The following CNTNAP2 variants were observed in gnomAD, a reference collection of about 807,000 sequenced individuals.
The protein encoded by CNTNAP2 is contactin-associated protein-like 2.
Under a neutral mutation model 155.2 loss-of-function variants are expected in CNTNAP2, and 98 were observed. That is an observed-to-expected ratio of 0.63 (90% CI 0.54 to 0.75). CNTNAP2 has a LOEUF of 0.75. CNTNAP2 is among the 30% of genes least tolerant of loss of function. The pLI is 0.00. For synonymous variants in CNTNAP2, 651 were observed against 631.2 expected, an observed-to-expected ratio of 1.03 and a Z score of -0.47; for missense variants, 1,727 against 1,688.1, an observed-to-expected ratio of 1.02 and a Z score of -0.40.
chr7:146,387,401 A>G (rs1795476553), intron 1 of CNTNAP2, among the ~76,000 whole-genome samples: 1 of 152,110 alleles, frequency 6.6e-6, no homozygotes, highest in Admixed American at 6.6e-5. Flanking sequence ...CTTCAGCCCT[A>G]GAGGTGTCTC....
chr7:146,991,569 T>C (rs924903130), intron 3 of CNTNAP2, among the ~76,000 whole-genome samples: 1 of 152,232 alleles, frequency 6.6e-6, no homozygotes, highest in Admixed American at 6.5e-5. Context: ...CATCAAATTT[T>C]CACTGTGTAA....
At chr7:148,012,584 G>GT (rs911265718) in intron 15 of CNTNAP2, among the ~76,000 whole-genome samples, 1 of 152,076 alleles carries the variant, frequency 6.6e-6, no homozygotes. Context: ...TAAAAAAATT[G>GT]TTTTTTAAGA....
chr7:146,372,178 C>T (rs573758968), intron 1 of CNTNAP2, among the ~76,000 whole-genome samples: 1 of 152,162 alleles, frequency 6.6e-6, no homozygotes, highest in South Asian at 2.1e-4. Flanking sequence ...ATTTATAACG[C>T]TCTCAGTACT....
chr7:147,407,336 C>T (rs1797022183), intron 10 of CNTNAP2, among the ~76,000 whole-genome samples: 2 of 151,432 alleles, frequency 1.3e-5, no homozygotes, highest in Admixed American at 6.6e-5. Context: ...GGCGTGGTGG[C>T]GGGCGCCTGT....
At chr7:147,838,802 T>G (rs1276974608) in intron 13 of CNTNAP2, among the ~76,000 whole-genome samples, 1 of 152,170 alleles carries the variant, frequency 6.6e-6, no homozygotes, top group African/African-American at 2.4e-5. Flanking sequence ...TCCAAACTAT[T>G]CCAACCTCTG....
intron 2 of CNTNAP2, among the ~76,000 whole-genome samples, chr7:146,793,640 T>C (rs1585093258): frequency 6.6e-6 from 1 of 152,224 alleles, no homozygotes; most frequent in Admixed American, 6.5e-5. Flanking sequence ...TTCCTTGACA[T>C]TGGAAAACCT....
chr7:148,407,057 G>A (rs1418689436), intron 22 of CNTNAP2, among the ~76,000 whole-genome samples: 1 of 152,148 alleles, frequency 6.6e-6, no homozygotes, highest in African/African-American at 2.4e-5. Context: ...CATATAGTAG[G>A]CATTCTATAA....
At chr7:146,809,980 A>G (rs1193358694) in intron 2 of CNTNAP2, among the ~76,000 whole-genome samples, 1 of 152,192 alleles carries the variant, frequency 6.6e-6, no homozygotes, top group Non-Finnish European at 1.5e-5. Flanking sequence ...TTACAATTTC[A>G]GCTCTTACAT....
intron 9 of CNTNAP2, among the ~76,000 whole-genome samples, chr7:147,338,529 G>GT (rs1367143859): frequency 1.3e-5 from 2 of 151,990 alleles, no homozygotes; most frequent in Non-Finnish European, 2.9e-5. Flanking sequence ...AAGAGAAGTG[G>GT]TTTTGTCACA....
intron 11 of CNTNAP2, among the ~76,000 whole-genome samples, chr7:147,545,015 A>G (rs1799705868): frequency 6.6e-6 from 1 of 151,878 alleles, no homozygotes; most frequent in Non-Finnish European, 1.5e-5. Flanking sequence ...AACTGATAAT[A>G]CACACACACA....
intron 8 of CNTNAP2, among the ~76,000 whole-genome samples, chr7:147,233,881 C>G (rs1021813888): frequency 2.6e-5 from 4 of 151,810 alleles, no homozygotes; most frequent in Non-Finnish European, 5.9e-5. Flanking sequence ...ATTTCCATGA[C>G]AGTAATTATT....
At chr7:146,888,363 T>C (rs1365013874) in intron 3 of CNTNAP2, among the ~76,000 whole-genome samples, 1 of 152,134 alleles carries the variant, frequency 6.6e-6, no homozygotes, top group African/African-American at 2.4e-5. Context: ...AATTTTACCT[T>C]ACTTTCTATC....
chr7:146,964,361 T>G (rs1283571069), intron 3 of CNTNAP2, among the ~76,000 whole-genome samples: 2 of 152,214 alleles, frequency 1.3e-5, no homozygotes, highest in African/African-American at 2.4e-5. Context: ...TCTTTGGGGT[T>G]GTCTTTAAAA....
At chr7:146,629,129 A>T (rs999478302) in intron 1 of CNTNAP2, among the ~76,000 whole-genome samples, 1 of 152,102 alleles carries the variant, frequency 6.6e-6, no homozygotes, top group Non-Finnish European at 1.5e-5. Flanking sequence ...TGTTCTTCCT[A>T]AAAAATAACA....
At chr7:146,583,040 G>T (rs1476508515) in intron 1 of CNTNAP2, among the ~76,000 whole-genome samples, 1 of 151,912 alleles carries the variant, frequency 6.6e-6, no homozygotes, top group East Asian at 1.9e-4. Context: ...TGGTTATCTT[G>T]TAGTATGTTG....
chr7:148,242,693 A>G (rs1372795062), intron 20 of CNTNAP2, among the ~76,000 whole-genome samples: 1 of 152,192 alleles, frequency 6.6e-6, no homozygotes, highest in Non-Finnish European at 1.5e-5. Context: ...ACGCTTTCAC[A>G]TCTCACTGCT....
At chr7:146,299,342 A>G (rs191079443) in intron 1 of CNTNAP2, among the ~76,000 whole-genome samples, 46 of 152,294 alleles carry the variant, frequency 3.0e-4, no homozygotes, top group Non-Finnish European at 2.5e-4. Context: ...GTGCACAATT[A>G]TATGGTAGTT....
intron 1 of CNTNAP2, among the ~76,000 whole-genome samples, chr7:146,326,193 C>T (rs2129093668): frequency 6.6e-6 from 1 of 152,228 alleles, no homozygotes; most frequent in South Asian, 2.1e-4. Context: ...TACACATGCA[C>T]TCTCACACAC....
intron 1 of CNTNAP2, among the ~76,000 whole-genome samples, chr7:146,732,277 A>G (rs1441911321): frequency 6.6e-6 from 1 of 152,168 alleles, no homozygotes; most frequent in African/African-American, 2.4e-5. Flanking sequence ...AGCTTATTAT[A>G]CAGAAACTTG....
Sources: allele counts gnomAD v4.1 joint callset (sites outside exome capture counted in the v4.1 genomes callset), GRCh38; gene constraint gnomAD v4.1.1; transcripts MANE v1.5; gene names NCBI Gene and HGNC (gene_info 2026-07-23, HGNC 2026-07-21).